SMCO2: variants seen among roughly 807,000 people sequenced by gnomAD.
SMCO2 encodes the protein single-pass membrane protein with coiled-coil domains 2, also known as single-pass membrane and coiled-coil domain-containing protein 2.
In SMCO2, 25 loss-of-function variants were observed where a neutral mutation model predicts 29.5. The ratio of observed to expected loss-of-function variants is 0.85; its 90% CI spans 0.62 to 1.18. The LOEUF (loss-of-function observed/expected upper bound fraction) is 1.18, where lower values mean the gene tolerates loss of function less well. Among genes scored for constraint, SMCO2 ranks in the 50% most tolerant of loss-of-function variants. The pLI, the probability that SMCO2 is intolerant of heterozygous loss-of-function variation, is 0.00. For missense variants in SMCO2, 348 were observed against 344.5 expected (o/e 1.01, Z -0.08); for synonymous variants, 117 against 123.3 (o/e 0.95, Z 0.34).
In SMCO2 at chr12:27,472,811, T is replaced by G; in HGVS notation, c.170T>G (p.Leu57Ter). The change falls in exon 3 of 8, where the codon TTA (leucine) becomes TGA (stop). Residue 57 changes from leucine (L) to a stop codon, truncating the protein, a stop_gained. Coordinates refer to ENST00000298876, the Ensembl canonical transcript of SMCO2. LOFTEE classifies it high-confidence loss of function. ...GAAATTATCAAAGTGGACCACATCT[T>G]AGACAGATCGGATGATGAGGATGAC... 6.4e-7 allele frequency: 1 copy of G among 1,550,844 alleles called. No individual in the cohort carries two copies. The highest frequency in any genetic ancestry group is 2.4e-5 in the East Asian group (1 of 40,916).
chr12:27,457,153 G>C, the SMCO2 span, among the ~76,000 whole-genome samples: 1 of 151,906 alleles, frequency 6.6e-6, no homozygotes, highest in Non-Finnish European at 1.5e-5. Context: ...TCAGTTTCTC[G>C]TCCTCTTGGT....
chr12:27,455,390 C>A, the SMCO2 span, among the ~76,000 whole-genome samples: 1 of 152,116 alleles, frequency 6.6e-6, no homozygotes, highest in Non-Finnish European at 1.5e-5. Flanking sequence ...TCACAAAGAT[C>A]TCTGATTATT....
the SMCO2 span, among the ~76,000 whole-genome samples, chr12:27,461,233 A>G: frequency 6.6e-6 from 1 of 151,906 alleles, no homozygotes; most frequent in Non-Finnish European, 1.5e-5. Context: ...TTATTGTTGT[A>G]TTGTTATTTT....
intron 6 of SMCO2, among the ~76,000 whole-genome samples, chr12:27,495,144 C>G (rs1942982225): frequency 6.6e-6 from 1 of 152,118 alleles, no homozygotes; most frequent in Admixed American, 6.6e-5. Flanking sequence ...CAACTTATCC[C>G]AACTATCTTG....
the SMCO2 span, chr12:27,424,883 T>C: frequency 6.6e-6 from 1 of 152,364 alleles, no homozygotes; most frequent in East Asian, 1.9e-4. Flanking sequence ...ATGAGAGGCA[T>C]TTATGATTTT....
At chr12:27,430,234 G>C in the SMCO2 span, among the ~76,000 whole-genome samples, 3 of 152,124 alleles carry the variant, frequency 2.0e-5, no homozygotes, top group Non-Finnish European at 4.4e-5. Context: ...GTGATTGTCT[G>C]TTCTTTCACC....
At chr12:27,462,492 A>G (rs540098902), upstream of SMCO2, among the ~76,000 whole-genome samples, 1 of 152,278 alleles carries the variant, frequency 6.6e-6, no homozygotes, top group East Asian at 1.9e-4. Flanking sequence ...GGTTTTATGT[A>G]TTTGACTCCT....
chr12:27,439,402 C>G, the SMCO2 span, among the ~76,000 whole-genome samples: 1 of 152,144 alleles, frequency 6.6e-6, no homozygotes, highest in African/African-American at 2.4e-5. Flanking sequence ...GAGGCAGTGA[C>G]TTGAATAACT....
intron 7 of SMCO2, among the ~76,000 whole-genome samples, chr12:27,501,352 C>T (rs1315935776): frequency 7.5e-6 from 1 of 133,534 alleles, no homozygotes; most frequent in Non-Finnish European, 1.5e-5. Context: ...AGAGGCAGAG[C>T]TTGCAGTGAG....
chr12:27,496,615 C>A (rs1179729321), intron 7 of SMCO2, among the ~76,000 whole-genome samples: 1 of 150,686 alleles, frequency 6.6e-6, no homozygotes, highest in Non-Finnish European at 1.5e-5. Context: ...CCATCATTTA[C>A]ACCCTGAGAA....
chr12:27,469,195 G>A (rs1005791554), intron 1 of SMCO2, among the ~76,000 whole-genome samples: 1 of 152,150 alleles, frequency 6.6e-6, no homozygotes, highest in Non-Finnish European at 1.5e-5. Flanking sequence ...AACACCCTCA[G>A]GAAATGGACA....
intron 7 of SMCO2, among the ~76,000 whole-genome samples, chr12:27,500,809 T>C (rs1041801827): frequency 1.3e-5 from 2 of 150,624 alleles, no homozygotes; most frequent in Non-Finnish European, 2.9e-5. Flanking sequence ...TGTGTGTAAC[T>C]GCCAAGTGAT....
At chr12:27,450,881 C>T in the SMCO2 span, among the ~76,000 whole-genome samples, 3 of 152,120 alleles carry the variant, frequency 2.0e-5, no homozygotes, top group Non-Finnish European at 4.4e-5. Flanking sequence ...AAGTTATGTC[C>T]ATGAACGAGG....
chr12:27,499,711 A>G (rs1001330875), intron 7 of SMCO2, among the ~76,000 whole-genome samples: 2 of 150,802 alleles, frequency 1.3e-5, no homozygotes, highest in Admixed American at 6.6e-5. Context: ...TTTTTCTCAC[A>G]TGATTACATT....
At position 27,491,784 on chromosome 12, in the gene SMCO2, A is replaced by C. The variant is rs1322200155; in HGVS notation, c.451-2516A>C. Among the ~76,000 whole-genome samples, 3 of 151,548 alleles carry C rather than the reference A, an allele frequency of 2.0e-5. No homozygotes were observed. The East Asian group carries it at 5.8e-4, about 29-fold the overall frequency. ...AATGGCGCTATCTCGGCTCACTGCA[A>C]CCTCCGCCTCCTGGGTTCAAGTGAT... is the stretch of plus-strand genomic sequence containing the variant. On this transcript the variant is annotated intron_variant, in intron 5 of 7. Coordinates refer to ENST00000298876, the Ensembl canonical transcript of SMCO2.
the SMCO2 span, among the ~76,000 whole-genome samples, chr12:27,445,376 TCC>T: frequency 1.3e-5 from 2 of 152,184 alleles, no homozygotes; most frequent in African/African-American, 4.8e-5. Context: ...ATAAGTATAT[TCC>T]ATGCACTATT....
At chr12:27,436,183 C>T in the SMCO2 span, among the ~76,000 whole-genome samples, 291 of 152,308 alleles carry the variant, frequency 1.9e-3, 1 homozygote, top group Non-Finnish European at 3.5e-3. Flanking sequence ...AATGTCCCAC[C>T]TCCTAATACC....
intron 7 of SMCO2, 57 bp from the exon 9 acceptor site, chr12:27,501,866 C>T: frequency 7.4e-7 from 1 of 1,345,408 alleles, no homozygotes; most frequent in East Asian, 2.6e-5. Context: ...TGCCAGGAGC[C>T]TATCAATGTG....
At position 27,500,034 on chromosome 12, in the gene SMCO2, A is replaced by G. The variant is rs1020959682; in HGVS notation, c.684-1889A>G. On this transcript the variant is annotated intron_variant, in intron 7 of 7. Transcript: ENST00000298876. ...ATTAAATAAATAGTATTCAAAAGTT[A>G]AAAGAATATTTTATTATTTACCAAA... Among the ~76,000 whole-genome samples, 7 of 150,764 alleles carry G rather than the reference A, an allele frequency of 4.6e-5. 1 individual carries two copies. The highest frequency in any genetic ancestry group is 1.7e-4 in the African/African-American group (7 of 40,310).
Sources: allele counts gnomAD v4.1 joint callset (sites outside exome capture counted in the v4.1 genomes callset), GRCh38; gene constraint gnomAD v4.1.1; transcripts MANE v1.5; gene names NCBI Gene and HGNC (gene_info 2026-07-23, HGNC 2026-07-21).